CTBP1: variants seen among roughly 807,000 people sequenced by gnomAD.
The protein encoded by CTBP1 is C-terminal binding protein 1.
In CTBP1, 11 loss-of-function variants were observed where a neutral mutation model predicts 42.1. The observed-to-expected ratio is 0.26, with a 90% CI of 0.16 to 0.43. The LOEUF is 0.43. CTBP1 is among the 20% of genes least tolerant of loss of function. The probability of loss-of-function intolerance (pLI) is 1.00; values close to 1 mark genes in which losing one functional copy is unlikely to be tolerated. For synonymous variants in CTBP1, 324 were observed against 277.1 expected, an observed-to-expected ratio of 1.17 and a Z score of -1.68; for missense variants, 399 against 624.3, an observed-to-expected ratio of 0.64 and a Z score of 3.85.
chr4:1,219,451 A>G (rs1729498011), intron 5 of CTBP1, among the ~76,000 whole-genome samples: 1 of 152,222 alleles, frequency 6.6e-6, no homozygotes, highest in Non-Finnish European at 1.5e-5. Context: ...TGGCTGCCTC[A>G]ACATCAGACC....
rs1234622210 is a variant in CTBP1 at position 1,212,197 on chromosome 4, G to A, written c.*43C>T. On this transcript the variant is annotated 3_prime_UTR_variant, in exon 10 of 10. Coordinates refer to ENST00000382952, the MANE Select transcript of CTBP1 (RefSeq NM_001012614.2). Reference sequence around the variant, plus strand: ...CACACACTCTGGTCCGAGGGTTTCCGGGCCCTCTGCCCAGGCGCCGAGGCT... The same window carrying A: ...CACACACTCTGGTCCGAGGGTTTCCAGGCCCTCTGCCCAGGCGCCGAGGCT... 88 of 1,386,890 alleles carry A rather than the reference G, an allele frequency of 6.3e-5. No homozygotes were observed. The highest frequency in any genetic ancestry group is 6.6e-5 in the Non-Finnish European group (70 of 1,061,998). 85.9% of individuals were successfully genotyped at this position (1,386,890 alleles called of 1,614,324 possible).
At chr4:1,232,117 C>T (rs1031311132) in intron 3 of CTBP1, among the ~76,000 whole-genome samples, 46 of 152,208 alleles carry the variant, frequency 3.0e-4, no homozygotes, top group African/African-American at 1.0e-3. Flanking sequence ...AATCATGACT[C>T]GCTGCAGCCT....
chr4:1,213,159 A>G, intron 8 of CTBP1, 129 bp from the exon 9 acceptor site: 1 of 861,180 alleles, frequency 1.2e-6, no homozygotes, highest in Admixed American at 2.2e-5. Context: ...CGGGGCTCCC[A>G]AGGCACGGCA....
upstream of CTBP1, chr4:1,250,331 G>C (rs1361705790): frequency 3.6e-6 from 1 of 279,364 alleles, no homozygotes; most frequent in African/African-American, 2.2e-5. Context: ...CCGAGCTGTG[G>C]CCTGGAGGAA....
intron 6 of CTBP1, 49 bp from the exon 7 acceptor site, chr4:1,214,522 C>A (rs201848036): frequency 6.6e-7 from 1 of 1,515,240 alleles, no homozygotes. Context: ...CCGCACAGGG[C>A]GGGCAGCCAG....
At chr4:1,242,914 A>T in intron 1 of CTBP1, 1 of 985,260 alleles carries the variant, frequency 1.0e-6, no homozygotes, top group Non-Finnish European at 1.2e-6. Flanking sequence ...CATCAATGCC[A>T]GCCGATACTC....
intron 1 of CTBP1, chr4:1,243,226 T>C (rs3755930): frequency 0.24 from 234,622 of 985,260 alleles, 28,223 homozygotes; most frequent in South Asian, 0.31. Context: ...TGCTTATCTA[T>C]ACTGGCCAGT....
Position 1,212,324 on chromosome 4 carries a change from AG to A in CTBP1, c.1205del (p.Pro402LeufsTer100). ...SAMSLSHGLP[P>X]VAHPPHAPSP... is the part of the protein sequence containing the mutation. ...AAGGGGCGTGGGGCGGGTGGGCCAC[AG>A]GGGGCAGGCCGTGGGACAGGGACAT... On this transcript the variant is annotated frameshift_variant, in exon 10 of 10. Transcript: ENST00000382952. LOFTEE classifies it high-confidence loss of function. 2 of 1,506,088 alleles carry A rather than the reference AG, an allele frequency of 1.3e-6. No homozygotes were observed. The highest frequency in any genetic ancestry group is 1.8e-6 in the Non-Finnish European group (2 of 1,127,748). 93.3% of individuals were successfully genotyped at this position (1,506,088 alleles called of 1,614,324 possible).
chr4:1,244,356 G>GGGT (rs1732502454), intron 1 of CTBP1: 5 of 961,010 alleles, frequency 5.2e-6, no homozygotes, highest in Non-Finnish European at 6.2e-6. Context: ...CTGGGCACTG[G>GGGT]GGGGGGGGTG....
intron 5 of CTBP1, chr4:1,216,499 T>A: frequency 1.8e-6 from 1 of 558,194 alleles, no homozygotes. Flanking sequence ...CCACAGGACG[T>A]GACATGAACC....
rs374755819 is a variant in CTBP1, at chr4:1,216,208, G to A, written c.515-3C>T. On this transcript the variant is annotated splice_polypyrimidine_tract_variant and splice_region_variant and intron_variant, in intron 5 of 9. Transcript: ENST00000382952. ...CGCCACTGCCTGCCCCACGCGACCT[G>A]GTGGCGTCAAGACACAGTGTGAGAC... The A allele has an allele frequency of 3.7e-5, 59 of 1,608,318 alleles. No homozygotes were observed. In the Admixed American group the frequency reaches 4.3e-4, roughly 12 times the overall value.
rs749848544 is a variant in CTBP1, at chr4:1,241,393, A to G, written c.-62T>C. ...CGACTTTTCAAAGCTTTTTATCTTC[A>G]GGATCCCCAGGCAGAACCGCGTCCT... On this transcript the variant is annotated 5_prime_UTR_variant, in exon 2 of 10. Transcript: ENST00000382952. 5.0e-6 allele frequency: 6 copies of G among 1,201,386 alleles called. No homozygotes were observed. The highest frequency in any genetic ancestry group is 7.5e-6 in the Non-Finnish European group (6 of 802,798). The allele number at this position is 1,201,386 out of a possible 1,614,324, so 74.4% of individuals were successfully genotyped here. A position where few individuals can be genotyped will look rare whatever the true frequency, so the allele number is the denominator to read the frequency against.
chr4:1,212,806 C>G, intron 9 of CTBP1, 107 bp downstream of exon 9: 1 of 937,264 alleles, frequency 1.1e-6, no homozygotes, highest in Admixed American at 2.0e-5. Flanking sequence ...CCAGATCCTC[C>G]AGGTCAGTCA....
chr4:1,245,828 C>T (rs765748067), intron 1 of CTBP1, among the ~76,000 whole-genome samples: 2 of 151,844 alleles, frequency 1.3e-5, no homozygotes, highest in African/African-American at 2.4e-5. Flanking sequence ...GCAGAAGGGG[C>T]CTGGTCCCAA....
At chr4:1,244,342 G>T in intron 1 of CTBP1, 3 of 952,696 alleles carry the variant, frequency 3.1e-6, no homozygotes, top group Non-Finnish European at 3.7e-6. Flanking sequence ...GCCACAGTGG[G>T]TCTCTGGGCA....
At position 1,241,664 on chromosome 4, in the gene CTBP1, C is replaced by G. The variant is rs1577075542; in HGVS notation, c.-188-145G>C. The G allele has an allele frequency of 3.8e-6, 5 of 1,303,922 alleles. No homozygotes were observed. The African/African-American group carries it at 4.5e-5, about 12-fold the overall frequency. 80.8% of individuals were successfully genotyped at this position (1,303,922 alleles called of 1,614,324 possible). On this transcript the variant is annotated intron_variant, in intron 1 of 9. Coordinates refer to ENST00000382952, the MANE Select transcript of CTBP1 (RefSeq NM_001012614.2). Reference sequence around the variant, plus strand: ...TCTGGGACCTACCTGGACTCGGGGGCCTGCTGACAGCCAGGGGCCCCGGCT... The same window carrying G: ...TCTGGGACCTACCTGGACTCGGGGGGCTGCTGACAGCCAGGGGCCCCGGCT...
intron 3 of CTBP1, chr4:1,236,402 G>C (rs1381478998): frequency 1.8e-6 from 1 of 545,410 alleles, no homozygotes; most frequent in Non-Finnish European, 3.3e-6. Context: ...GAGACCGCCC[G>C]TGTGAAGACC....
intron 7 of CTBP1, 85 bp from the exon 8 acceptor site, chr4:1,213,690 G>A (rs1228266733): frequency 2.6e-6 from 4 of 1,515,084 alleles, no homozygotes; most frequent in East Asian, 2.4e-5. Flanking sequence ...GGAACCCCCT[G>A]TGGGGGGCCC....
intron 1 of CTBP1, among the ~76,000 whole-genome samples, chr4:1,247,946 G>C (rs1560291852): frequency 6.6e-6 from 1 of 152,242 alleles, no homozygotes; most frequent in Non-Finnish European, 1.5e-5. Context: ...TCACGGAGAC[G>C]ACAGCAAAAG....
Sources: gnomAD v4.1 joint callset for allele counts (sites outside exome capture counted in the v4.1 genomes callset) on GRCh38, gnomAD v4.1.1 for gene constraint, MANE v1.5 for transcripts, NCBI Gene and HGNC (gene_info 2026-07-23, HGNC 2026-07-21) for gene names.